The following EPHA5 variants were observed in gnomAD, a reference collection of about 807,000 sequenced individuals.
EPHA5 encodes the protein EPH receptor A5, also known as ephrin type-A receptor 5.
Under a neutral mutation model 105.0 loss-of-function variants are expected in EPHA5, and 60 were observed. The observed-to-expected ratio is 0.57, with a 90% CI of 0.46 to 0.71. The LOEUF (loss-of-function observed/expected upper bound fraction) is 0.71, where lower values mean the gene tolerates loss of function less well. EPHA5 is among the 30% of genes least tolerant of loss of function. EPHA5 has a pLI of 0.00. For missense variants in EPHA5, 1,218 were observed against 1,274.7 expected, an observed-to-expected ratio of 0.96 and a Z score of 0.68; for synonymous variants, 513 against 449.1, an observed-to-expected ratio of 1.14 and a Z score of -1.80.
chr4:65,479,793 T>A (rs1292267403), intron 5 of EPHA5, among the ~76,000 whole-genome samples: 1 of 152,018 alleles, frequency 6.6e-6, no homozygotes, highest in Non-Finnish European at 1.5e-5. Flanking sequence ...GTAGAAAAAA[T>A]TATATACAAT....
intron 3 of EPHA5, among the ~76,000 whole-genome samples, chr4:65,544,627 C>G (rs1164052777): frequency 6.6e-6 from 1 of 151,840 alleles, no homozygotes; most frequent in Non-Finnish European, 1.5e-5. Flanking sequence ...ACATTGTTGG[C>G]AGGAATGTAA....
intron 7 of EPHA5, among the ~76,000 whole-genome samples, chr4:65,405,876 T>A (rs977838395): frequency 8.5e-5 from 13 of 152,172 alleles, no homozygotes; most frequent in Middle Eastern, 3.4e-3. Context: ...ATATTATTTC[T>A]ACCACTATTT....
chr4:65,365,831 A>C (rs967614231), intron 10 of EPHA5, 101 bp downstream of exon 10: 2 of 1,236,360 alleles, frequency 1.6e-6, no homozygotes, highest in African/African-American at 3.0e-5. Context: ...CAAGCCAATT[A>C]GAAAAGATTA....
chr4:65,414,636 C>A (rs1341586850), intron 6 of EPHA5, among the ~76,000 whole-genome samples, 193 bp from the exon 7 acceptor site: 1 of 152,136 alleles, frequency 6.6e-6, no homozygotes, highest in Non-Finnish European at 1.5e-5. Context: ...TTTTCTAGAA[C>A]TCAAGGTGGT....
chr4:65,578,919 A>G (rs1186377431), intron 3 of EPHA5, among the ~76,000 whole-genome samples: 1 of 152,122 alleles, frequency 6.6e-6, no homozygotes, highest in Non-Finnish European at 1.5e-5. Context: ...AAAGACCGCT[A>G]TTAAAAAATG....
intron 5 of EPHA5, among the ~76,000 whole-genome samples, chr4:65,487,473 C>T (rs1021306484): frequency 1.3e-5 from 2 of 152,114 alleles, no homozygotes; most frequent in African/African-American, 4.8e-5. Flanking sequence ...AGCCAGAATC[C>T]ACAGGATTCC....
intron 3 of EPHA5, among the ~76,000 whole-genome samples, chr4:65,593,772 G>C (rs893254076): frequency 6.6e-6 from 1 of 152,170 alleles, no homozygotes; most frequent in Admixed American, 6.5e-5. Context: ...GCTGAGGCCG[G>C]CATCACTTTT....
chr4:65,336,083 T>C lies in EPHA5; in HGVS notation c.2638A>G (p.Met880Val), dbSNP rs1445048658. 1.2e-6 allele frequency: 2 copies of C among 1,612,594 alleles called. No homozygotes were observed. Among genetic ancestry groups the C allele is most frequent in the South Asian group, 1.1e-5 (1 of 91,000 alleles). ...TGATAGAGAGCAGCAGGACAATCCA[T>C]GGGGCTTGGCAGACGATAGCCTTCC... ...VEEGYRLPSPMDCPAALYQLM... is the reference protein window; with the variant it reads ...VEEGYRLPSPVDCPAALYQLM... Residue 880 changes from methionine (M) to valine (V), a missense_variant, in exon 15 of 17, where the codon ATG becomes GTG. Met to Val is a conservative substitution (Grantham distance 21). This residue lies in a region of EPHA5 where 971 missense variants were observed against 1,013.5 expected (regional missense o/e 0.96). Transcript: ENST00000613740.
In EPHA5 at chr4:65,389,285, C is replaced by T. The variant is rs542570631; in HGVS notation, c.1793+15089G>A. The stretch of plus-strand genomic sequence containing the variant: ...GCATATCCAAAAATCTCTTGAACAA[C>T]ATTAGCTTTGCAGATTTTTGGTAAA... On this transcript the variant is annotated intron_variant, in intron 8 of 16. Transcript: ENST00000613740. Among the ~76,000 whole-genome samples, 45 of 152,124 alleles carry T rather than the reference C, an allele frequency of 3.0e-4. No homozygotes were observed. In the East Asian group the frequency reaches 4.1e-3, roughly 14 times the overall value.
At chr4:65,380,617 G>A (rs1393523616) in intron 8 of EPHA5, among the ~76,000 whole-genome samples, 2 of 151,658 alleles carry the variant, frequency 1.3e-5, no homozygotes, top group Non-Finnish European at 2.9e-5. Context: ...AAAAAAGCAA[G>A]AAGAGTAATT....
chr4:65,599,526 T>C (rs958664813), intron 3 of EPHA5, among the ~76,000 whole-genome samples: 2 of 152,164 alleles, frequency 1.3e-5, no homozygotes, highest in Admixed American at 1.3e-4. Context: ...TACTTGAAAC[T>C]CTTCCTAGAG....
At chr4:65,564,565 G>A (rs1739338514) in intron 3 of EPHA5, among the ~76,000 whole-genome samples, 1 of 151,628 alleles carries the variant, frequency 6.6e-6, no homozygotes, top group South Asian at 2.1e-4. Context: ...ACCGAGCTCA[G>A]TCCCTATTTA....
intron 2 of EPHA5, among the ~76,000 whole-genome samples, chr4:65,623,500 G>A (rs1745882517): frequency 1.3e-5 from 2 of 152,098 alleles, no homozygotes; most frequent in Non-Finnish European, 2.9e-5. Context: ...TATACAATAT[G>A]TGAGAATATA....
chr4:65,513,323 C>T (rs1233855738), intron 3 of EPHA5, among the ~76,000 whole-genome samples: 1 of 151,994 alleles, frequency 6.6e-6, no homozygotes, highest in African/African-American at 2.4e-5. Context: ...GAAAATTATT[C>T]CTAATTCTGA....
At chr4:65,375,441 T>C (rs191794938) in intron 8 of EPHA5, among the ~76,000 whole-genome samples, 5 of 151,968 alleles carry the variant, frequency 3.3e-5, no homozygotes, top group Non-Finnish European at 2.9e-5. Flanking sequence ...TCTGCCCTTC[T>C]ATTTTCCTTC....
At chr4:65,532,607 CT>C (rs5858964) in intron 3 of EPHA5, among the ~76,000 whole-genome samples, 1 of 135,758 alleles carries the variant, frequency 7.4e-6, no homozygotes, top group Admixed American at 7.5e-5. Flanking sequence ...TCCAATAGCT[CT>C]TTTTTTTTTT....
chr4:65,510,837 C>G (rs762512076), intron 3 of EPHA5, among the ~76,000 whole-genome samples: 1 of 152,160 alleles, frequency 6.6e-6, no homozygotes, highest in African/African-American at 2.4e-5. Flanking sequence ...ATATGATGCT[C>G]AAGTATAGGT....
chr4:65,551,254 ATGTGTGTG>A (rs71657186), intron 3 of EPHA5, among the ~76,000 whole-genome samples: 2 of 141,596 alleles, frequency 1.4e-5, no homozygotes, highest in Non-Finnish European at 3.0e-5. Context: ...ATATTTATAT[ATGTGTGTG>A]TGTGTGTGTG....
At chr4:65,543,220 A>G (rs911626022) in intron 3 of EPHA5, among the ~76,000 whole-genome samples, 1 of 152,088 alleles carries the variant, frequency 6.6e-6, no homozygotes, top group African/African-American at 2.4e-5. Flanking sequence ...AGTTCTGGCC[A>G]GGGCAATCAG....
Sources: allele counts gnomAD v4.1 joint callset (sites outside exome capture counted in the v4.1 genomes callset), GRCh38; gene constraint gnomAD v4.1.1; regional missense constraint gnomAD v4.1.1; transcripts MANE v1.5; gene names NCBI Gene and HGNC (gene_info 2026-07-23, HGNC 2026-07-21).